TMCC1: variants seen among roughly 807,000 people sequenced by gnomAD.
TMCC1 encodes the protein transmembrane and coiled-coil domains protein 1.
Under a neutral mutation model 52.4 loss-of-function variants are expected in TMCC1, and 15 were observed. That is an observed-to-expected ratio of 0.29 (90% CI 0.19 to 0.44). TMCC1 has a LOEUF of 0.44. TMCC1 is among the 20% of genes least tolerant of loss of function. The probability of loss-of-function intolerance (pLI) is 1.00; values close to 1 mark genes in which losing one functional copy is unlikely to be tolerated. For missense variants in TMCC1, 503 were observed against 806.0 expected, an observed-to-expected ratio of 0.62 and a Z score of 4.55; for synonymous variants, 279 against 301.9, an observed-to-expected ratio of 0.92 and a Z score of 0.79.
intron 4 of TMCC1, among the ~76,000 whole-genome samples, chr3:129,788,260 T>C (rs1032667794): frequency 6.6e-6 from 1 of 152,214 alleles, no homozygotes; most frequent in Non-Finnish European, 1.5e-5. Context: ...CTCTCAGGTC[T>C]ACATGGTCAA....
At chr3:129,799,716 G>A (rs2057064760) in intron 4 of TMCC1, among the ~76,000 whole-genome samples, 1 of 152,120 alleles carries the variant, frequency 6.6e-6, no homozygotes, top group South Asian at 2.1e-4. Context: ...GGAGGCTGAG[G>A]CAAGAGAATG....
intron 4 of TMCC1, among the ~76,000 whole-genome samples, chr3:129,750,570 A>ATTT (rs374554261): frequency 3.3e-5 from 3 of 89,956 alleles, no homozygotes; most frequent in African/African-American, 1.3e-4. Flanking sequence ...ATAGATCTAA[A>ATTT]TTTTTTTTTT....
Position 129,720,001 on chromosome 3 carries a change from G to C in TMCC1, c.577-48737C>G, listed in dbSNP as rs140637190. ...TTTGAGACCAAGCCTCAGCAACATGGTGAGACCCTACCTCTACAAAAAAGA... is the reference window on the plus strand; with the variant it reads ...TTTGAGACCAAGCCTCAGCAACATGCTGAGACCCTACCTCTACAAAAAAGA... On this transcript the variant is annotated intron_variant, in intron 4 of 6. Transcript: ENST00000393238. 2.4e-3 allele frequency among the ~76,000 whole-genome samples: 370 copies of C among 152,008 alleles called. 4 individuals carry two copies. Among genetic ancestry groups the C allele is most frequent in the Admixed American group, 0.019 (294 of 15,254 alleles).
chr3:129,753,889 A>AATT (rs1478272267), intron 4 of TMCC1, among the ~76,000 whole-genome samples: 6 of 149,418 alleles, frequency 4.0e-5, no homozygotes, highest in Non-Finnish European at 7.4e-5. Context: ...GATGACAAAG[A>AATT]AAGAAATAAA....
chr3:129,860,222 T>C (rs2060326053), intron 2 of TMCC1, among the ~76,000 whole-genome samples: 1 of 151,988 alleles, frequency 6.6e-6, no homozygotes, highest in African/African-American at 2.4e-5. Context: ...TTGAACTCAA[T>C]AAAATATTAA....
chr3:129,699,177 G>A (rs1025582737), intron 4 of TMCC1, among the ~76,000 whole-genome samples: 1 of 152,166 alleles, frequency 6.6e-6, no homozygotes, highest in African/African-American at 2.4e-5. Context: ...ATAACACTGA[G>A]ACTTACTGGG....
intron 4 of TMCC1, among the ~76,000 whole-genome samples, chr3:129,759,974 G>A (rs560842113): frequency 5.3e-5 from 8 of 151,790 alleles, no homozygotes; most frequent in Non-Finnish European, 1.0e-4. Context: ...ACCCGCCTCG[G>A]CCTCCCAAAG....
chr3:129,699,572 TTTATTCCTTTACTTTC>T lies in TMCC1; in HGVS notation c.577-28324_577-28309del, dbSNP rs1349110805. Among the ~76,000 whole-genome samples the T allele has an allele frequency of 1.5e-3, 231 of 152,148 alleles. 2 individuals are homozygous for T. Among genetic ancestry groups the T allele is most frequent in the East Asian group, 2.3e-3 (12 of 5,186 alleles). ...CTGCTGTCTATGGAGCGGCTATTCT[TTTATTCCTTTACTTTC>T]TTAATAAACTTGCTTTCACTTTATG... On this transcript the variant is annotated intron_variant, in intron 4 of 6. Transcript: ENST00000393238.
At chr3:129,858,502 C>G (rs2060244327) in intron 2 of TMCC1, among the ~76,000 whole-genome samples, 1 of 152,176 alleles carries the variant, frequency 6.6e-6, no homozygotes, top group Non-Finnish European at 1.5e-5. Context: ...TCCTGAGTAG[C>G]TAGAACCACA....
At chr3:129,891,505 G>A (rs1326126158) in intron 1 of TMCC1, among the ~76,000 whole-genome samples, 1 of 152,174 alleles carries the variant, frequency 6.6e-6, no homozygotes, top group East Asian at 1.9e-4. Context: ...ACAGAATTGA[G>A]TAGTTGCAAA....
At chr3:129,729,233 A>T (rs1042395459) in intron 4 of TMCC1, among the ~76,000 whole-genome samples, 1 of 152,266 alleles carries the variant, frequency 6.6e-6, no homozygotes, top group South Asian at 2.1e-4. Context: ...CAGCATTTGC[A>T]ACTGTCAGTT....
intron 2 of TMCC1, among the ~76,000 whole-genome samples, chr3:129,840,468 A>G (rs1225953729): frequency 6.6e-6 from 1 of 152,216 alleles, no homozygotes; most frequent in African/African-American, 2.4e-5. Context: ...AAGCTACTGT[A>G]GCCAAATGAA....
chr3:129,742,931 C>T (rs1307011743), intron 4 of TMCC1, among the ~76,000 whole-genome samples: 1 of 152,072 alleles, frequency 6.6e-6, no homozygotes, highest in Non-Finnish European at 1.5e-5. Context: ...AAGCCAGCCC[C>T]AAAGGACGAC....
intron 4 of TMCC1, among the ~76,000 whole-genome samples, chr3:129,746,415 G>A (rs553179395): frequency 1.3e-5 from 2 of 151,300 alleles, no homozygotes; most frequent in African/African-American, 4.9e-5. Flanking sequence ...TCTTGACCTC[G>A]TGATCCGCCC....
intron 4 of TMCC1, among the ~76,000 whole-genome samples, chr3:129,701,492 T>A (rs1468880237): frequency 6.6e-6 from 1 of 152,034 alleles, no homozygotes. Context: ...AACGGAAAAA[T>A]GAGAAAGCAA....
At chr3:129,808,232 C>T (rs1262597238) in intron 4 of TMCC1, among the ~76,000 whole-genome samples, 4 of 152,024 alleles carry the variant, frequency 2.6e-5, no homozygotes, top group Non-Finnish European at 1.5e-5. Flanking sequence ...CCTGTAATCC[C>T]AGCACTTTGG....
intron 2 of TMCC1, among the ~76,000 whole-genome samples, chr3:129,850,240 T>C (rs908284344): frequency 6.6e-6 from 1 of 152,228 alleles, no homozygotes. Flanking sequence ...AGGCAAGACA[T>C]TATACTATTT....
In TMCC1 at chr3:129,840,617, G is replaced by A. The variant is rs140466283; in HGVS notation, c.-183-7791C>T. On this transcript the variant is annotated intron_variant, in intron 2 of 6. Transcript: ENST00000393238. ...TCAAGGGAGGGACTTGGTGGGAGGC[G>A]ACTGGATCACGGGGGTGGTTTCCCC... Among the ~76,000 whole-genome samples the A allele has an allele frequency of 1.5e-3, 221 of 152,256 alleles. 1 individual carries two copies. The highest frequency in any genetic ancestry group is 5.0e-3 in the African/African-American group (208 of 41,526).
intron 4 of TMCC1, among the ~76,000 whole-genome samples, chr3:129,765,297 G>A (rs534219749): frequency 6.6e-6 from 1 of 152,134 alleles, no homozygotes; most frequent in East Asian, 1.9e-4. Flanking sequence ...AAATGGCTAT[G>A]ACCCTGTTAT....
Sources: allele counts gnomAD v4.1 joint callset (sites outside exome capture counted in the v4.1 genomes callset), GRCh38; gene constraint gnomAD v4.1.1; transcripts MANE v1.5; gene names NCBI Gene and HGNC (gene_info 2026-07-23, HGNC 2026-07-21).